Variants in MLXIP observed in about 807,000 individuals in gnomAD.
MLXIP encodes the protein MLX interacting protein.
MLXIP carries 30 observed loss-of-function variants against 87.2 expected under a neutral mutation model. That is an observed-to-expected ratio of 0.34 (90% confidence interval 0.26 to 0.47). The LOEUF (loss-of-function observed/expected upper bound fraction) is 0.47, where lower values mean the gene tolerates loss of function less well. Among genes scored for constraint, MLXIP ranks in the 20% least tolerant of loss-of-function variants. The pLI, the probability that MLXIP is intolerant of heterozygous loss-of-function variation, is 1.00. For synonymous variants in MLXIP, 530 were observed against 514.0 expected (o/e 1.03, Z -0.42); for missense variants, 1,002 against 1,240.1 (o/e 0.81, Z 2.88).
rs760655026 is a variant in MLXIP, at chr12:122,133,407, G to A, written c.1152G>A (p.Ala384=). 6.9e-6 allele frequency: 11 copies of A among 1,602,792 alleles called. No individual in the cohort carries two copies. Among genetic ancestry groups the A allele is most frequent in the African/African-American group, 2.7e-5 (2 of 74,400 alleles). The change falls in exon 9 of 17, where the codon GCG becomes GCA. Residue 384 remains alanine (A), a synonymous_variant. Coordinates refer to ENST00000319080, the MANE Select transcript of MLXIP (RefSeq NM_014938.6). This position sits in a 1 kb window ranked among gnomAD's most constrained non-coding sequence, Gnocchi z 4.9. ...PTVSLPDSLI[A]PPTAPSLAHM... is the part of the protein sequence containing the mutation. ...TGAGCCTTCCTGACAGCCTCATCGC[G>A]CCCCCTACCGCCCCATCCCTGGCTC...
intron 1 of MLXIP, among the ~76,000 whole-genome samples, chr12:122,096,904 A>G (rs1489214022): frequency 6.6e-6 from 1 of 152,224 alleles, no homozygotes; most frequent in African/African-American, 2.4e-5. Context: ...TGGAACTGGA[A>G]TGCTGCGGGT....
intron 9 of MLXIP, 99 bp downstream of exon 9, chr12:122,134,086 C>T (rs1953037364): frequency 7.3e-7 from 1 of 1,373,414 alleles, no homozygotes; most frequent in Non-Finnish European, 9.7e-7. Context: ...CACCACCACC[C>T]TGGTGTGCAC....
chr12:122,129,469 G>C, intron 4 of MLXIP, 119 bp from the exon 5 acceptor site: 1 of 1,205,084 alleles, frequency 8.3e-7, no homozygotes, highest in Non-Finnish European at 1.2e-6. Context: ...GCAGGCATCG[G>C]CCTGGGGATG....
chr12:122,114,372 G>A (rs377535222), intron 1 of MLXIP, among the ~76,000 whole-genome samples: 2 of 152,228 alleles, frequency 1.3e-5, no homozygotes, highest in African/African-American at 2.4e-5. Context: ...AAAACAGAAC[G>A]CACTGAAAAG....
chr12:122,119,989 A>T (rs1016332927), intron 1 of MLXIP, among the ~76,000 whole-genome samples: 1 of 152,184 alleles, frequency 6.6e-6, no homozygotes, highest in Non-Finnish European at 1.5e-5. Context: ...CTCTAAACTG[A>T]TTGGGAAGTA....
Position 122,139,970 on chromosome 12 carries a change from G to A in MLXIP, c.2509-984G>A, listed in dbSNP as rs749233703. On this transcript the variant is annotated intron_variant, in intron 15 of 16. Coordinates refer to ENST00000319080, the MANE Select transcript of MLXIP (RefSeq NM_014938.6). ...ATTACAGGCGTGAGCCACCGTGCCCGGCCATAAGAGGCAGTTTTTAATTGA... is the reference window on the plus strand; with the variant it reads ...ATTACAGGCGTGAGCCACCGTGCCCAGCCATAAGAGGCAGTTTTTAATTGA... Among the ~76,000 whole-genome samples the A allele has an allele frequency of 2.6e-4, 40 of 152,240 alleles. No individual in the cohort carries two copies. In the South Asian group the frequency reaches 3.9e-3, roughly 15 times the overall value.
In MLXIP at chr12:122,133,011, C is replaced by G. The variant is rs58111134; in HGVS notation, c.1093-337C>G. The G allele has an allele frequency of 0.012, 3,111 of 255,592 alleles. 89 individuals carry two copies. Among genetic ancestry groups the G allele is most frequent in the African/African-American group, 0.064 (2,896 of 45,036 alleles). The allele number at this position is 255,592 out of a possible 1,614,324, so 15.8% of individuals were successfully genotyped here. On this transcript the variant is annotated intron_variant, in intron 8 of 16. Transcript: ENST00000319080. The surrounding 1 kb of genome is among the most constrained non-coding windows in gnomAD (Gnocchi z 4.9). ...TCGGGGATTCCCGAGCAGCTGCAAT[C>G]CAGGCTGCCTCTGCTCAGTAATAGA...
Position 122,133,262 on chromosome 12 carries a change from G to A in MLXIP, c.1093-86G>A. On this transcript the variant is annotated intron_variant, in intron 8 of 16. Coordinates refer to ENST00000319080, the MANE Select transcript of MLXIP (RefSeq NM_014938.6). This position sits in a 1 kb window ranked among gnomAD's most constrained non-coding sequence, Gnocchi z 4.9. ...GTCCCTCTGTCCCAGCGCCCGGCCT[G>A]TGTAGTTGGACTTGGCAGTGTGCAG... is the stretch of plus-strand genomic sequence containing the variant. 1 of 1,462,584 alleles carries A rather than the reference G, an allele frequency of 6.8e-7. No individual in the cohort carries two copies. Among genetic ancestry groups the A allele is most frequent in the South Asian group, 1.4e-5 (1 of 73,170 alleles). 90.6% of individuals were successfully genotyped at this position (1,462,584 alleles called of 1,614,324 possible). A position where few individuals can be genotyped will look rare whatever the true frequency, so the allele number is the denominator to read the frequency against.
chr12:122,078,845 G>A lies in MLXIP; in HGVS notation c.-9G>A, dbSNP rs1323265996. On this transcript the variant is annotated 5_prime_UTR_variant, in exon 1 of 17. Transcript: ENST00000319080. The stretch of plus-strand genomic sequence containing the variant: ...GGCTCCGGGGGATGCCCCCGGCCGA[G>A]CCCTTCTCATGGCCGCCGACGTCTT... 9.3e-7 allele frequency: 1 copy of A among 1,070,582 alleles called. No individual in the cohort carries two copies. The highest frequency in any genetic ancestry group is 3.9e-5 in the South Asian group (1 of 25,794). 66.3% of individuals were successfully genotyped at this position (1,070,582 alleles called of 1,614,324 possible).
At chr12:122,122,832 C>T (rs1952805756) in intron 1 of MLXIP, among the ~76,000 whole-genome samples, 1 of 151,478 alleles carries the variant, frequency 6.6e-6, no homozygotes, top group Non-Finnish European at 1.5e-5. Flanking sequence ...CAGGCGTGAG[C>T]TACCGTGCCC....
chr12:122,129,417 C>A, intron 4 of MLXIP, 171 bp from the exon 5 acceptor site: 1 of 408,746 alleles, frequency 2.4e-6, no homozygotes, highest in Non-Finnish European at 3.3e-6. Context: ...TGTCTTTGCT[C>A]TCAGTTTCCC....
chr12:122,122,756 C>T (rs1000486313), intron 1 of MLXIP, among the ~76,000 whole-genome samples: 1 of 151,990 alleles, frequency 6.6e-6, no homozygotes, highest in African/African-American at 2.4e-5. Flanking sequence ...ACCATGTTAG[C>T]CAGGATGGTC....
At chr12:122,120,957 C>G (rs1012542500) in intron 1 of MLXIP, among the ~76,000 whole-genome samples, 2 of 150,320 alleles carry the variant, frequency 1.3e-5, no homozygotes, top group Non-Finnish European at 2.9e-5. Context: ...TGAATGGGCT[C>G]CACCACTGTT....
At chr12:122,079,311 G>T (rs1292464532) in intron 1 of MLXIP, 45 bp downstream of exon 1, 3 of 1,525,726 alleles carry the variant, frequency 2.0e-6, no homozygotes, top group Non-Finnish European at 2.7e-6. Context: ...GGAGGCCCTT[G>T]TTTGACAAAA....
rs553390752 is a variant in MLXIP, at chr12:122,126,266, G to T, written c.414-990G>T. Among the ~76,000 whole-genome samples the T allele has an allele frequency of 4.6e-5, 7 of 152,320 alleles. No homozygotes were observed. The East Asian group carries it at 1.2e-3, about 25-fold the overall frequency. On this transcript the variant is annotated intron_variant, in intron 1 of 16. Coordinates refer to ENST00000319080, the MANE Select transcript of MLXIP (RefSeq NM_014938.6). ...ATTGTTAATTGAGCCCCTACTATGT[G>T]CCAAGCCACCAAACGTCCTCCCTAG...
At position 122,116,053 on chromosome 12, in the gene MLXIP, A is replaced by AACACAC. The variant is rs138548664; in HGVS notation, c.414-11173_414-11168dup. Among the ~76,000 whole-genome samples, 537 of 147,328 alleles carry AACACAC rather than the reference A, an allele frequency of 3.6e-3. 1 individual carries two copies. The highest frequency in any genetic ancestry group is 9.8e-3 in the African/African-American group (385 of 39,452). On this transcript the variant is annotated intron_variant, in intron 1 of 16. Transcript: ENST00000319080. ...GTGACAGAGCGAGACTCCATCTGAA[A>AACACAC]ACACACACACACACACACACACACA...
rs1952051033 is a variant in MLXIP at position 122,078,962 on chromosome 12, G to A, written c.109G>A (p.Glu37Lys). 11 of 1,097,868 alleles carry A rather than the reference G, an allele frequency of 1.0e-5. No homozygotes were observed. Among genetic ancestry groups the A allele is most frequent in the Non-Finnish European group, 1.1e-5 (10 of 897,344 alleles). The allele number at this position is 1,097,868 out of a possible 1,614,324, so 68.0% of individuals were successfully genotyped here. The stretch of plus-strand genomic sequence containing the variant: ...GGACGACGACGACTCGGACACGGAT[G>A]AGCCGTCCCCGCCGCCCGCCTCCGG... The part of the protein sequence containing the change: ...SEDDDDSDTD[E>K]PSPPPASGAA... Residue 37 changes from glutamate (E) to lysine (K), a missense_variant, in exon 1 of 17, where the codon GAG (glutamate) becomes AAG (lysine). Coordinates refer to ENST00000319080, the MANE Select transcript of MLXIP (RefSeq NM_014938.6).
At position 122,133,874 on chromosome 12, in the gene MLXIP, AC is replaced by A; in HGVS notation, c.1623del (p.Lys542AsnfsTer5). 6.2e-7 allele frequency: 1 copy of A among 1,612,114 alleles called. No individual in the cohort carries two copies. Among genetic ancestry groups the A allele is most frequent in the Non-Finnish European group, 8.5e-7 (1 of 1,179,290 alleles). On this transcript the variant is annotated frameshift_variant, in exon 9 of 17. Transcript: ENST00000319080. LOFTEE classifies it high-confidence loss of function. The surrounding 1 kb of genome is among the most constrained non-coding windows in gnomAD (Gnocchi z 4.9). Reference sequence around the variant, plus strand: ...CCCCAGCCACGGTTAACTTTTGTGCACCCCAAACCTGTATCCTTGACTGGGG... The same window carrying A: ...CCCCAGCCACGGTTAACTTTTGTGCACCCAAACCTGTATCCTTGACTGGGG... ...RPPQPRLTFV[H>X]PKPVSLTGGR...
intron 8 of MLXIP, chr12:122,132,763 G>C (rs1953003398): frequency 5.9e-6 from 1 of 168,910 alleles, no homozygotes; most frequent in African/African-American, 2.7e-5. Context: ...TTGCTTACAG[G>C]TGCTTGGGGC....
Sources: allele counts gnomAD v4.1 joint callset (sites outside exome capture counted in the v4.1 genomes callset), GRCh38; gene constraint gnomAD v4.1.1; non-coding constraint Gnocchi (gnomAD v3.1); transcripts MANE v1.5; gene names NCBI Gene and HGNC (gene_info 2026-07-23, HGNC 2026-07-21).